The following OTUD7A variants were observed in gnomAD, a reference collection of about 807,000 sequenced individuals.
The protein encoded by OTUD7A is OTU deubiquitinase 7A.
OTUD7A carries 12 observed loss-of-function variants against 65.7 expected under a neutral mutation model. The ratio of observed to expected loss-of-function variants is 0.18; its 90% CI spans 0.12 to 0.30. OTUD7A has a LOEUF of 0.30. OTUD7A is among the 10% of genes least tolerant of loss of function. The pLI, the probability that OTUD7A is intolerant of heterozygous loss-of-function variation, is 1.00. For missense variants in OTUD7A, 1,148 were observed against 1,304.8 expected, an observed-to-expected ratio of 0.88 and a Z score of 1.85; for synonymous variants, 641 against 586.3, an observed-to-expected ratio of 1.09 and a Z score of -1.35.
Position 31,559,199 on chromosome 15 carries a change from G to A in OTUD7A, c.332-12C>T, listed in dbSNP as rs935121787. ...GGAAAGCCGCTTTTCTGCAGGGGGA[G>A]AAGGAAAGATAGCCCCAAGGGCTGA... On this transcript the variant is annotated splice_polypyrimidine_tract_variant and intron_variant, in intron 4 of 12. Coordinates refer to ENST00000307050, the MANE Select transcript of OTUD7A (RefSeq NM_001382637.1). The A allele has an allele frequency of 1.2e-6, 2 of 1,610,654 alleles. No individual in the cohort carries two copies. The highest frequency in any genetic ancestry group is 1.7e-6 in the Non-Finnish European group (2 of 1,177,852).
Position 31,483,869 on chromosome 15 carries a change from G to C in OTUD7A, c.2227C>G (p.Arg743Gly). ...GAGGCCGTGCCGCCCGCCGCCGCCCGCGCCGCACGCCCTGCCGCGGGCCCG... is the reference window on the plus strand; with the variant it reads ...GAGGCCGTGCCGCCCGCCGCCGCCCCCGCCGCACGCCCTGCCGCGGGCCCG... ...SPGPAAGRAA[R>G]AAAGGTASPG... Residue 743 changes from arginine (R) to glycine (G), a missense_variant, in exon 13 of 13, where the codon CGG becomes GGG. Around this residue, in one of 6 missense-constraint regions of OTUD7A, gnomAD observed 842 missense variants for 769.5 expected, o/e 1.09. Transcript: ENST00000307050. The C allele has an allele frequency of 4.1e-6, 4 of 987,080 alleles. No individual in the cohort carries two copies. The highest frequency in any genetic ancestry group is 4.8e-6 in the Non-Finnish European group (4 of 832,942). The allele number at this position is 987,080 out of a possible 1,614,324, so 61.1% of individuals were successfully genotyped here.
chr15:31,758,436 G>T (rs1894873265), intron 1 of OTUD7A, among the ~76,000 whole-genome samples: 1 of 148,510 alleles, frequency 6.7e-6, no homozygotes, highest in Non-Finnish European at 1.5e-5. Context: ...AAAATTAGCA[G>T]GTACGATCAC....
At chr15:31,765,752 T>C (rs1182207371) in intron 1 of OTUD7A, 1 of 1,280,088 alleles carries the variant, frequency 7.8e-7, no homozygotes, top group Admixed American at 1.9e-5. Context: ...GCTAGTATCT[T>C]AGACTACAGA....
At chr15:31,661,924 A>G (rs1892176754) in intron 1 of OTUD7A, among the ~76,000 whole-genome samples, 1 of 152,036 alleles carries the variant, frequency 6.6e-6, no homozygotes. Context: ...TCTTATATAT[A>G]TATTTTTCTC....
chr15:31,837,615 T>C (rs1349822219), intron 1 of OTUD7A, among the ~76,000 whole-genome samples: 5 of 152,168 alleles, frequency 3.3e-5, no homozygotes, highest in Admixed American at 2.6e-4. Flanking sequence ...TGGACTTGTA[T>C]ATTGAAAGTC....
At chr15:31,495,667 C>T (rs1296190961) in intron 10 of OTUD7A, among the ~76,000 whole-genome samples, 1 of 152,222 alleles carries the variant, frequency 6.6e-6, no homozygotes, top group Non-Finnish European at 1.5e-5. Context: ...TTTACTCCCA[C>T]TCTGACCCTA....
chr15:31,631,293 A>G (rs1425303288), intron 3 of OTUD7A, among the ~76,000 whole-genome samples: 11 of 152,202 alleles, frequency 7.2e-5, no homozygotes, highest in African/African-American at 2.2e-4. Context: ...GGTGGTGACA[A>G]AATCTCTCAG....
At chr15:31,599,580 TCTC>T (rs1454305716) in intron 3 of OTUD7A, among the ~76,000 whole-genome samples, 1 of 152,050 alleles carries the variant, frequency 6.6e-6, no homozygotes, top group African/African-American at 2.4e-5. Flanking sequence ...GAACGCCTCT[TCTC>T]CTCCAAAGGA....
intron 1 of OTUD7A, among the ~76,000 whole-genome samples, chr15:31,784,998 A>G (rs1002275508): frequency 1.3e-5 from 2 of 152,190 alleles, no homozygotes; most frequent in Admixed American, 6.5e-5. Context: ...GGGCATACAG[A>G]TAACACGAAC....
intron 10 of OTUD7A, among the ~76,000 whole-genome samples, chr15:31,490,538 T>C (rs58719342): frequency 0.25 from 37,667 of 152,150 alleles, 5,108 homozygotes; most frequent in East Asian, 0.43. Flanking sequence ...AACCGACTTA[T>C]CCAATATCTA....
chr15:31,536,024 C>T (rs950323589), intron 5 of OTUD7A, among the ~76,000 whole-genome samples: 1 of 151,952 alleles, frequency 6.6e-6, no homozygotes, highest in Admixed American at 6.6e-5. Flanking sequence ...TCTTCATTCA[C>T]TCTTTCTCAG....
chr15:31,810,848 GTA>G (rs1896396630), intron 1 of OTUD7A, among the ~76,000 whole-genome samples: 1 of 152,128 alleles, frequency 6.6e-6, no homozygotes, highest in South Asian at 2.1e-4. Context: ...TAGCTCTGTG[GTA>G]TCAGCCAGCT....
chr15:31,543,168 G>T (rs1888034326), intron 5 of OTUD7A, among the ~76,000 whole-genome samples: 1 of 151,802 alleles, frequency 6.6e-6, no homozygotes, highest in Non-Finnish European at 1.5e-5. Context: ...GAATAAGGAT[G>T]AATAAAACTA....
intron 1 of OTUD7A, among the ~76,000 whole-genome samples, chr15:31,753,433 T>C (rs988263916): frequency 6.6e-6 from 1 of 151,372 alleles, no homozygotes; most frequent in Non-Finnish European, 1.5e-5. Flanking sequence ...CTATTTCTAG[T>C]CTTTTATCCT....
intron 1 of OTUD7A, among the ~76,000 whole-genome samples, chr15:31,715,327 C>G (rs1268830169): frequency 7.1e-6 from 1 of 141,624 alleles, no homozygotes; most frequent in Non-Finnish European, 1.5e-5. Flanking sequence ...GCAGGCTGAG[C>G]CTTCTGTGTG....
intron 8 of OTUD7A, among the ~76,000 whole-genome samples, chr15:31,525,301 G>A (rs2041995742): frequency 6.6e-6 from 1 of 152,238 alleles, no homozygotes; most frequent in African/African-American, 2.4e-5. Flanking sequence ...GTCCTGCCAA[G>A]ATAGACTGTT....
At chr15:31,591,068 C>T (rs1889707938) in intron 3 of OTUD7A, among the ~76,000 whole-genome samples, 1 of 152,094 alleles carries the variant, frequency 6.6e-6, no homozygotes. Flanking sequence ...TGCACAAGGG[C>T]TGACACATCC....
chr15:31,827,988 G>C (rs990895033), intron 1 of OTUD7A, among the ~76,000 whole-genome samples: 1 of 151,888 alleles, frequency 6.6e-6, no homozygotes, highest in East Asian at 1.9e-4. Flanking sequence ...CCTTTTGTGT[G>C]GTCCTATCCT....
intron 10 of OTUD7A, among the ~76,000 whole-genome samples, chr15:31,490,314 C>T (rs955880969): frequency 6.6e-6 from 1 of 152,146 alleles, no homozygotes; most frequent in African/African-American, 2.4e-5. Flanking sequence ...TGAAAGGCCT[C>T]TTGTATGTCT....
Sources: gnomAD v4.1 joint callset for allele counts (sites outside exome capture counted in the v4.1 genomes callset) on GRCh38, gnomAD v4.1.1 for gene constraint, gnomAD v4.1.1 regional missense constraint, MANE v1.5 for transcripts, NCBI Gene and HGNC (gene_info 2026-07-23, HGNC 2026-07-21) for gene names.